Variants in KCNMA1 observed in about 807,000 individuals in gnomAD.
KCNMA1 encodes potassium calcium-activated channel subfamily M alpha 1, also known as Calcium-activated potassium channel subunit alpha-1.
In KCNMA1, 29 loss-of-function variants were observed where a neutral mutation model predicts 140.0. That is an observed-to-expected ratio of 0.21 (90% CI 0.15 to 0.28). The LOEUF (loss-of-function observed/expected upper bound fraction) is 0.28, where lower values mean the gene tolerates loss of function less well. Ranked by LOEUF, KCNMA1 falls within the 10% of genes least tolerant of loss-of-function variation. KCNMA1 has a pLI of 1.00. For synonymous variants in KCNMA1, 612 were observed against 611.9 expected (o/e 1.00, Z 0.00); for missense variants, 880 against 1,602.2 (o/e 0.55, Z 7.70).
At chr10:77,034,843 T>G (rs2094205531) in intron 15 of KCNMA1, among the ~76,000 whole-genome samples, 1 of 152,254 alleles carries the variant, frequency 6.6e-6, no homozygotes, top group Admixed American at 6.5e-5. Flanking sequence ...CCCTCTGAGC[T>G]GTAAAACCTG....
At chr10:77,050,251 G>C (rs1272527882) in intron 14 of KCNMA1, among the ~76,000 whole-genome samples, 1 of 149,582 alleles carries the variant, frequency 6.7e-6, no homozygotes, top group Non-Finnish European at 1.5e-5. Flanking sequence ...CTAAAATTGA[G>C]GCCAAAACAA....
chr10:77,158,872 A>G (rs1490877978), intron 5 of KCNMA1, among the ~76,000 whole-genome samples: 2 of 152,174 alleles, frequency 1.3e-5, no homozygotes, highest in Admixed American at 6.5e-5. Context: ...TGGCCAGCCA[A>G]TGCGTAAGTG....
At chr10:77,561,439 T>C (rs1471437102) in intron 1 of KCNMA1, among the ~76,000 whole-genome samples, 1 of 152,194 alleles carries the variant, frequency 6.6e-6, no homozygotes, top group Non-Finnish European at 1.5e-5. Flanking sequence ...AAAGGCTACC[T>C]GACATGCCCA....
At chr10:77,424,375 G>A (rs1019162093) in intron 1 of KCNMA1, among the ~76,000 whole-genome samples, 6 of 152,190 alleles carry the variant, frequency 3.9e-5, no homozygotes, top group Non-Finnish European at 5.9e-5. Context: ...GGCAAATGAA[G>A]GCTCAGAGAG....
At chr10:77,626,390 G>A (rs2092523236) in intron 1 of KCNMA1, among the ~76,000 whole-genome samples, 2 of 152,068 alleles carry the variant, frequency 1.3e-5, no homozygotes, top group Non-Finnish European at 2.9e-5. Context: ...AGCTCTGGGA[G>A]GAAAGTGTTC....
intron 1 of KCNMA1, among the ~76,000 whole-genome samples, chr10:77,543,679 G>A (rs888586269): frequency 3.3e-5 from 5 of 152,112 alleles, no homozygotes; most frequent in East Asian, 3.8e-4. Context: ...TTAGATTGTC[G>A]AGTAAACTAG....
intron 21 of KCNMA1, 161 bp from the exon 22 acceptor site, chr10:76,949,527 G>C: frequency 2.9e-6 from 2 of 685,322 alleles, no homozygotes; most frequent in Non-Finnish European, 5.2e-6. Flanking sequence ...ATGCCATATA[G>C]AGCTATAATT....
intron 2 of KCNMA1, among the ~76,000 whole-genome samples, chr10:77,280,547 T>C (rs1019385255): frequency 2.6e-5 from 4 of 152,226 alleles, no homozygotes; most frequent in Admixed American, 1.3e-4. Flanking sequence ...GACAGGGTCT[T>C]GCTTTGTTGC....
At chr10:77,572,582 AT>A (rs2071952451) in intron 1 of KCNMA1, among the ~76,000 whole-genome samples, 3 of 88,940 alleles carry the variant, frequency 3.4e-5, no homozygotes, top group African/African-American at 4.7e-5. Flanking sequence ...ATATATATAT[AT>A]ATATATATAT....
At chr10:76,922,565 C>T (rs2056256357) in intron 23 of KCNMA1, among the ~76,000 whole-genome samples, 1 of 152,132 alleles carries the variant, frequency 6.6e-6, no homozygotes, top group Admixed American at 6.5e-5. Context: ...CTCCCCAGGA[C>T]ATTATGTAAA....
At chr10:76,948,752 T>C (rs1055592553) in intron 22 of KCNMA1, among the ~76,000 whole-genome samples, 3 of 152,228 alleles carry the variant, frequency 2.0e-5, no homozygotes, top group Non-Finnish European at 2.9e-5. Context: ...CACAGATCAA[T>C]GTTTCTTCAA....
intron 5 of KCNMA1, among the ~76,000 whole-genome samples, chr10:77,126,954 T>A (rs1297726863): frequency 6.6e-6 from 1 of 151,920 alleles, no homozygotes; most frequent in Non-Finnish European, 1.5e-5. Context: ...GTGGGCATAC[T>A]GGAGGCACTC....
At chr10:77,456,643 G>A (rs964620591) in intron 1 of KCNMA1, among the ~76,000 whole-genome samples, 1 of 152,168 alleles carries the variant, frequency 6.6e-6, no homozygotes, top group African/African-American at 2.4e-5. Context: ...TCTTTCCAGT[G>A]CCAGCTCTGC....
At chr10:77,571,455 A>C (rs1010551627) in intron 1 of KCNMA1, among the ~76,000 whole-genome samples, 7 of 152,186 alleles carry the variant, frequency 4.6e-5, no homozygotes, top group African/African-American at 1.7e-4. Flanking sequence ...AGGCAGTACA[A>C]ATTCAAACCC....
intron 2 of KCNMA1, among the ~76,000 whole-genome samples, chr10:77,318,452 C>G (rs949731288): frequency 2.6e-5 from 4 of 152,146 alleles, no homozygotes; most frequent in South Asian, 2.1e-4. Flanking sequence ...ACCATGGACT[C>G]TACTGTGGAG....
At chr10:77,176,811 A>T (rs2098754847) in intron 5 of KCNMA1, among the ~76,000 whole-genome samples, 1 of 152,166 alleles carries the variant, frequency 6.6e-6, no homozygotes, top group Non-Finnish European at 1.5e-5. Flanking sequence ...TAATCTTGGG[A>T]CCTGTGAATA....
intron 1 of KCNMA1, among the ~76,000 whole-genome samples, chr10:77,528,745 T>C (rs921391804): frequency 6.6e-6 from 1 of 152,164 alleles, no homozygotes; most frequent in African/African-American, 2.4e-5. Context: ...AAAAATGTGG[T>C]GTGGCCATGC....
rs547469411 is a variant in KCNMA1 at position 77,053,119 on chromosome 10, G to C, written c.1750-13482C>G. Among the ~76,000 whole-genome samples the C allele has an allele frequency of 3.3e-5, 5 of 152,244 alleles. No homozygotes were observed. In the South Asian group the frequency reaches 1.0e-3, roughly 32 times the overall value. On this transcript the variant is annotated intron_variant, in intron 14 of 27. Transcript: ENST00000286628. ...CTGCAGTTGGTATAAGATGGAAAGA[G>C]GGAGAGGACTTGCTATGATCCTGTT...
chr10:77,406,497 C>T (rs1404582688), intron 1 of KCNMA1, among the ~76,000 whole-genome samples: 1 of 152,164 alleles, frequency 6.6e-6, no homozygotes, highest in Non-Finnish European at 1.5e-5. Flanking sequence ...CACCAGAGGG[C>T]TTGTTGAAAC....
Sources: allele counts gnomAD v4.1 joint callset (sites outside exome capture counted in the v4.1 genomes callset), GRCh38; gene constraint gnomAD v4.1.1; transcripts MANE v1.5; gene names NCBI Gene and HGNC (gene_info 2026-07-23, HGNC 2026-07-21).